ZNF674: variants seen among roughly 807,000 people sequenced by gnomAD.
ZNF674 encodes the protein zinc finger protein 674.
In ZNF674, 2 loss-of-function variants were observed where a neutral mutation model predicts 7.0. The ratio of observed to expected loss-of-function variants is 0.29; its 90% CI spans 0.12 to 0.90. The LOEUF (loss-of-function observed/expected upper bound fraction) is 0.90. ZNF674 is among the 40% of genes least tolerant of loss of function. The pLI, the probability that ZNF674 is intolerant of heterozygous loss-of-function variation, is 0.57. For synonymous variants in ZNF674, 103 were observed against 145.2 expected (o/e 0.71, Z 2.09); for missense variants, 297 against 415.5 (o/e 0.71, Z 2.48).
At chrX:46,502,937 G>A (rs1282449474) in intron 5 of ZNF674, among the ~76,000 whole-genome samples, 5 of 112,041 alleles carry the variant, frequency 4.5e-5, no homozygotes, top group African/African-American at 1.6e-4. Flanking sequence ...TCTGAGTATG[G>A]GAGTCGTCTT....
intron 3 of ZNF674, among the ~76,000 whole-genome samples, chrX:46,531,918 G>C (rs769900324): frequency 2.9e-4 from 32 of 112,111 alleles, no homozygotes; most frequent in African/African-American, 9.4e-4. Flanking sequence ...TGTGATCCCA[G>C]CACTTTGGGA....
chrX:46,507,993 C>T (rs773226081), intron 5 of ZNF674, among the ~76,000 whole-genome samples: 1 of 111,333 alleles, frequency 9.0e-6, no homozygotes, highest in Non-Finnish European at 1.9e-5. Flanking sequence ...ACTTTCTTTA[C>T]AGTTTCACCA....
chrX:46,513,133 C>T (rs749354484), intron 5 of ZNF674, among the ~76,000 whole-genome samples: 1 of 110,780 alleles, frequency 9.0e-6, no homozygotes, highest in Middle Eastern at 4.6e-3. Context: ...CGTGGTGGCA[C>T]ACACCTGTAG....
rs766256676 is a variant in ZNF674 at position 46,544,495 on chromosome X, A to G, written c.-30+6T>C. 1 of 111,766 alleles carries G rather than the reference A, an allele frequency of 8.9e-6. No homozygotes were observed. The highest frequency in any genetic ancestry group is 3.7e-4 in the South Asian group (1 of 2,672). 9.2% of individuals were successfully genotyped at this position (111,766 alleles called of 1,213,427 possible). A position where few individuals can be genotyped will look rare whatever the true frequency, so the allele number is the denominator to read the frequency against. ...TAGATCTCTGCCTGTGACCCAGGGA[A>G]CTCACCTCTTCCTGGGGCCTCAGCC... On this transcript the variant is annotated splice_donor_region_variant and intron_variant, in intron 2 of 5. Coordinates refer to ENST00000683375, the MANE Select transcript of ZNF674 (RefSeq NM_001190417.2).
At chrX:46,508,438 A>C (rs1157526290) in intron 5 of ZNF674, among the ~76,000 whole-genome samples, 2 of 112,492 alleles carry the variant, frequency 1.8e-5, no homozygotes, top group African/African-American at 6.4e-5. Context: ...TTCATAGGTT[A>C]AATACTAGTA....
chrX:46,508,479 GTT>G (rs1172123620), intron 5 of ZNF674, among the ~76,000 whole-genome samples: 4 of 111,825 alleles, frequency 3.6e-5, no homozygotes, highest in African/African-American at 1.3e-4. Flanking sequence ...TTTTAAAGTA[GTT>G]TTTTTCCAAT....
chrX:46,518,082 C>A (rs1354038859), intron 5 of ZNF674, among the ~76,000 whole-genome samples: 1 of 111,213 alleles, frequency 9.0e-6, no homozygotes, highest in African/African-American at 3.3e-5. Flanking sequence ...CAACAGCAGA[C>A]TTCTTCTAAG....
chrX:46,519,251 TAGATAGATAGATA>T (rs771125403), intron 5 of ZNF674, among the ~76,000 whole-genome samples: 1,083 of 74,535 alleles, frequency 0.015, 8 homozygotes, highest in Middle Eastern at 0.03. Flanking sequence ...GATAGATAGA[TAGATAGATAGATA>T]AAGATAGATG....
At chrX:46,503,099 A>C (rs1941465137) in intron 5 of ZNF674, among the ~76,000 whole-genome samples, 1 of 112,462 alleles carries the variant, frequency 8.9e-6, no homozygotes, top group African/African-American at 3.2e-5. Flanking sequence ...GTGTAGCCAC[A>C]AGGCTTTCAA....
intron 3 of ZNF674, among the ~76,000 whole-genome samples, chrX:46,541,785 GAAGA>G (rs1942299816): frequency 8.9e-6 from 1 of 111,766 alleles, no homozygotes; most frequent in Non-Finnish European, 1.9e-5. Context: ...ATCTAGAAGT[GAAGA>G]AAGAGGAAAA....
At chrX:46,512,655 T>G (rs1602057218) in intron 5 of ZNF674, among the ~76,000 whole-genome samples, 2 of 105,056 alleles carry the variant, frequency 1.9e-5, no homozygotes, top group African/African-American at 3.5e-5. Flanking sequence ...TCCCAGCTAC[T>G]CAGGAGGCTG....
chrX:46,524,660 G>A (rs1201921554), intron 5 of ZNF674, among the ~76,000 whole-genome samples: 5 of 104,846 alleles, frequency 4.8e-5, no homozygotes, highest in Non-Finnish European at 9.7e-5. Context: ...CTGCACTCCA[G>A]CCTGGGCAAC....
intron 5 of ZNF674, chrX:46,522,966 G>A (rs1390394185): frequency 8.5e-6 from 1 of 117,309 alleles, no homozygotes; most frequent in East Asian, 2.7e-4. Flanking sequence ...GTTACATCCA[G>A]GAGAGAGGTA....
At chrX:46,504,883 T>TTTTA (rs1289853923) in intron 5 of ZNF674, among the ~76,000 whole-genome samples, 36 of 110,029 alleles carry the variant, frequency 3.3e-4, no homozygotes, top group African/African-American at 9.9e-4. Flanking sequence ...ATTTTTTTAA[T>TTTTA]TTTATTTATT....
chrX:46,513,869 C>A (rs920407226), intron 5 of ZNF674, among the ~76,000 whole-genome samples: 1 of 110,782 alleles, frequency 9.0e-6, no homozygotes, highest in African/African-American at 3.3e-5. Flanking sequence ...AGTTCAAGAG[C>A]AGCCTGGGCA....
chrX:46,526,854 A>G (rs1942017937), intron 5 of ZNF674, among the ~76,000 whole-genome samples: 1 of 111,805 alleles, frequency 8.9e-6, no homozygotes, highest in Non-Finnish European at 1.9e-5. Context: ...CATGAACCAT[A>G]AAAGAACTTG....
intron 5 of ZNF674, among the ~76,000 whole-genome samples, chrX:46,517,421 T>C (rs1431396769): frequency 1.8e-5 from 2 of 110,994 alleles, no homozygotes; most frequent in African/African-American, 6.5e-5. Flanking sequence ...GAAAAAAAAT[T>C]GCAAAAAATA....
chrX:46,505,768 T>TCACACACACA (rs56158505), intron 5 of ZNF674, among the ~76,000 whole-genome samples: 17,579 of 99,963 alleles, frequency 0.18, 1,764 homozygotes, highest in Middle Eastern at 0.3. Context: ...CAAAACTCTG[T>TCACACACACA]CACACACACA....
At chrX:46,533,324 C>T (rs1255738083) in intron 3 of ZNF674, among the ~76,000 whole-genome samples, 3 of 111,052 alleles carry the variant, frequency 2.7e-5, no homozygotes, top group Admixed American at 9.7e-5. Context: ...TCCAAATTTT[C>T]GGAGATTGAT....
Sources: gnomAD v4.1 joint callset for allele counts (sites outside exome capture counted in the v4.1 genomes callset) on GRCh38, gnomAD v4.1.1 for gene constraint, MANE v1.5 for transcripts, NCBI Gene and HGNC (gene_info 2026-07-23, HGNC 2026-07-21) for gene names.